The following PDE1C variants were observed in gnomAD, a reference collection of about 807,000 sequenced individuals.
The protein encoded by PDE1C is dual specificity calcium/calmodulin-dependent 3',5'-cyclic nucleotide phosphodiesterase 1C.
Under a neutral mutation model 93.1 loss-of-function variants are expected in PDE1C, and 62 were observed. The observed-to-expected ratio is 0.67, with a 90% CI of 0.54 to 0.82. The LOEUF (loss-of-function observed/expected upper bound fraction) is 0.82, where lower values mean the gene tolerates loss of function less well. Among genes scored for constraint, PDE1C ranks in the 40% least tolerant of loss-of-function variants. The pLI is 0.00. For synonymous variants in PDE1C, 325 were observed against 310.1 expected (o/e 1.05, Z -0.50); for missense variants, 742 against 884.6 (o/e 0.84, Z 2.04).
intron 1 of PDE1C, among the ~76,000 whole-genome samples, chr7:32,376,765 G>C (rs1197534010): frequency 1.3e-5 from 2 of 152,218 alleles, no homozygotes; most frequent in South Asian, 2.1e-4. Flanking sequence ...TCGGCTCACT[G>C]CAAGCTCCGC....
chr7:32,365,281 C>T (rs1784209119), intron 1 of PDE1C, among the ~76,000 whole-genome samples: 1 of 152,154 alleles, frequency 6.6e-6, no homozygotes, highest in Non-Finnish European at 1.5e-5. Context: ...GCCAAGCAGC[C>T]ATGAGCCCAC....
chr7:32,022,535 A>C (rs756008193), intron 2 of PDE1C, among the ~76,000 whole-genome samples: 10 of 152,040 alleles, frequency 6.6e-5, no homozygotes, highest in Non-Finnish European at 1.5e-4. Context: ...GAAGTGGTTT[A>C]AGGGGAGCAC....
chr7:31,793,808 T>C (rs1374972422), intron 16 of PDE1C, among the ~76,000 whole-genome samples: 1 of 151,858 alleles, frequency 6.6e-6, no homozygotes, highest in Non-Finnish European at 1.5e-5. Context: ...AGCGTTATTT[T>C]CAACATGTGC....
chr7:32,008,720 T>A (rs946183902), intron 2 of PDE1C, among the ~76,000 whole-genome samples: 1 of 152,132 alleles, frequency 6.6e-6, no homozygotes, highest in Admixed American at 6.5e-5. Flanking sequence ...CATACGCACA[T>A]CTGCACTGTT....
intron 1 of PDE1C, among the ~76,000 whole-genome samples, chr7:32,221,416 G>A (rs1806853520): frequency 6.6e-6 from 1 of 152,060 alleles, no homozygotes; most frequent in Admixed American, 6.6e-5. Context: ...AAACAGGCTG[G>A]GAGTTTCCAG....
At chr7:32,265,756 G>A (rs991205028) in intron 1 of PDE1C, among the ~76,000 whole-genome samples, 1 of 152,182 alleles carries the variant, frequency 6.6e-6, no homozygotes, top group Non-Finnish European at 1.5e-5. Flanking sequence ...TTTACAGTGT[G>A]TCAGATTGGT....
At chr7:31,801,439 T>A (rs1786023007) in intron 16 of PDE1C, among the ~76,000 whole-genome samples, 1 of 151,486 alleles carries the variant, frequency 6.6e-6, no homozygotes, top group African/African-American at 2.4e-5. Context: ...AGTCTATCTT[T>A]TTAAATATTC....
intron 1 of PDE1C, among the ~76,000 whole-genome samples, chr7:32,320,001 A>C (rs1783255713): frequency 6.6e-6 from 1 of 152,230 alleles, no homozygotes; most frequent in Non-Finnish European, 1.5e-5. Context: ...GGGACAGAGC[A>C]AAGCTTCCCT....
chr7:31,741,517 TCTA>T, the PDE1C span, among the ~76,000 whole-genome samples: 1 of 152,240 alleles, frequency 6.6e-6, no homozygotes, highest in East Asian at 1.9e-4. Context: ...TAAATTTCAT[TCTA>T]CTATGTTTTA....
At chr7:31,836,159 C>T (rs897243464) in intron 11 of PDE1C, among the ~76,000 whole-genome samples, 4 of 152,066 alleles carry the variant, frequency 2.6e-5, no homozygotes, top group Non-Finnish European at 5.9e-5. Flanking sequence ...ATCTCAGGCC[C>T]GCATGTCTGG....
intron 1 of PDE1C, among the ~76,000 whole-genome samples, chr7:32,240,922 TGGGTGGG>T (rs1165154998): frequency 6.6e-6 from 1 of 152,124 alleles, no homozygotes; most frequent in Non-Finnish European, 1.5e-5. Flanking sequence ...TTCAGGATTA[TGGGTGGG>T]ACAACAGAAT....
the PDE1C span, among the ~76,000 whole-genome samples, chr7:31,690,490 G>A: frequency 6.6e-6 from 1 of 152,214 alleles, no homozygotes; most frequent in East Asian, 1.9e-4. Flanking sequence ...GACTTAACTT[G>A]TGTGGAGAGG....
At chr7:31,960,046 T>G (rs1167721430) in intron 2 of PDE1C, among the ~76,000 whole-genome samples, 3 of 151,916 alleles carry the variant, frequency 2.0e-5, no homozygotes, top group Non-Finnish European at 4.4e-5. Context: ...TTTTTTGTAT[T>G]GTTAGTAGAG....
chr7:31,869,587 A>C (rs1242596220), intron 6 of PDE1C, among the ~76,000 whole-genome samples: 1 of 152,096 alleles, frequency 6.6e-6, no homozygotes, highest in Non-Finnish European at 1.5e-5. Context: ...TTCTAAACAT[A>C]CACACACCCA....
intron 1 of PDE1C, among the ~76,000 whole-genome samples, chr7:32,255,271 G>A (rs1055124440): frequency 2.0e-5 from 3 of 152,168 alleles, no homozygotes; most frequent in Non-Finnish European, 4.4e-5. Flanking sequence ...CTCTGCCAGT[G>A]GGGTCCTGTC....
chr7:31,861,921 A>G (rs1443933225), intron 7 of PDE1C, among the ~76,000 whole-genome samples: 1 of 152,144 alleles, frequency 6.6e-6, no homozygotes, highest in African/African-American at 2.4e-5. Flanking sequence ...GTAAAGCCAG[A>G]CCTGATCTAG....
At chr7:32,238,022 G>A (rs905439087) in intron 1 of PDE1C, among the ~76,000 whole-genome samples, 19 of 151,728 alleles carry the variant, frequency 1.3e-4, no homozygotes, top group Admixed American at 7.2e-4. Flanking sequence ...CGCCCACCTC[G>A]GCCTCCCAAA....
At chr7:32,232,376 A>G (rs1350319386) in intron 1 of PDE1C, among the ~76,000 whole-genome samples, 8 of 152,172 alleles carry the variant, frequency 5.3e-5, no homozygotes, top group Admixed American at 5.2e-4. Flanking sequence ...CACCTAGCAG[A>G]CTGCAATCCC....
chr7:31,908,736 C>A (rs2128933651), intron 2 of PDE1C, among the ~76,000 whole-genome samples: 1 of 152,310 alleles, frequency 6.6e-6, no homozygotes, highest in African/African-American at 2.4e-5. Context: ...TCGACTCAAA[C>A]ATTGCAGTGA....
Sources: allele counts gnomAD v4.1 joint callset (sites outside exome capture counted in the v4.1 genomes callset), GRCh38; gene constraint gnomAD v4.1.1; transcripts MANE v1.5; gene names NCBI Gene and HGNC (gene_info 2026-07-23, HGNC 2026-07-21).